Variants in ZFX observed in about 807,000 individuals in gnomAD.
The protein encoded by ZFX is zinc finger protein X-linked.
For synonymous variants in ZFX, 196 were observed against 226.8 expected (o/e 0.86, Z 1.22); for missense variants, 362 against 628.3 (o/e 0.58, Z 4.53).
At chrX:24,201,973 C>T (rs539358208) in intron 5 of ZFX, among the ~76,000 whole-genome samples, 1 of 111,503 alleles carries the variant, frequency 9.0e-6, no homozygotes, top group Non-Finnish European at 1.9e-5. Flanking sequence ...AGCTCTTAAC[C>T]CAGTCTGTTG....
rs73201436 is a variant in ZFX at position 24,159,792 on chromosome X, G to C, written c.-29+6962G>C. On this transcript the variant is annotated intron_variant, in intron 3 of 9. Transcript: ENST00000304543. The stretch of plus-strand genomic sequence containing the variant: ...CCACCGTGTCCGAGCGAGACGATCT[G>C]TTTCTTAAAAGTAAGAACCCATCTG... Among the ~76,000 whole-genome samples, 985 of 111,697 alleles carry C rather than the reference G, an allele frequency of 8.8e-3. 3 individuals are homozygous for C. The highest frequency in any genetic ancestry group is 0.014 in the Non-Finnish European group (727 of 53,109).
At chrX:24,160,379 A>T (rs1276510399) in intron 3 of ZFX, among the ~76,000 whole-genome samples, 1 of 105,654 alleles carries the variant, frequency 9.5e-6, no homozygotes, top group Non-Finnish European at 1.9e-5. Flanking sequence ...GCTCACTGTA[A>T]CCTTTGCCTC....
intron 5 of ZFX, among the ~76,000 whole-genome samples, chrX:24,202,819 T>C (rs745768146): frequency 1.8e-5 from 2 of 112,157 alleles, no homozygotes; most frequent in Non-Finnish European, 3.8e-5. Context: ...CAGTGAATCG[T>C]TGATTCATCA....
At chrX:24,196,223 C>T (rs1936912493) in intron 5 of ZFX, among the ~76,000 whole-genome samples, 1 of 111,535 alleles carries the variant, frequency 9.0e-6, no homozygotes, top group Non-Finnish European at 1.9e-5. Context: ...GGCGATTCTC[C>T]TGCCTCAGTC....
chrX:24,207,191 C>T (rs766879017), intron 5 of ZFX, 135 bp from the exon 6 acceptor site: 24 of 593,481 alleles, frequency 4.0e-5, no homozygotes, highest in Non-Finnish European at 5.6e-5. Context: ...GAGCTGAGAT[C>T]GCGCCACTGC....
intron 4 of ZFX, among the ~76,000 whole-genome samples, chrX:24,176,347 A>G (rs1407661604): frequency 9.1e-6 from 1 of 109,380 alleles, no homozygotes; most frequent in African/African-American, 3.3e-5. Flanking sequence ...CCTAAAGTGA[A>G]CATATTCTTT....
Position 24,179,694 on chromosome X carries a change from C to T in ZFX, c.570C>T (p.Val190=). The T allele has an allele frequency of 6.6e-6, 8 of 1,211,407 alleles. No homozygotes were observed. The highest frequency in any genetic ancestry group is 8.9e-6 in the Non-Finnish European group (8 of 895,549). The change falls in exon 5 of 10, where the codon GTC becomes GTT. Residue 190 remains valine (V), a synonymous_variant. Transcript: ENST00000304543. Reference sequence around the variant, plus strand: ...TAGCAGACTGTGCCTCTGAAGCAGTCATAGATGCCAATGGGATCCCTGTGG... The same window carrying T: ...TAGCAGACTGTGCCTCTGAAGCAGTTATAGATGCCAATGGGATCCCTGTGG... The part of the protein sequence containing the change: ...VLVADCASEA[V]IDANGIPVDQ...
rs147946648 is a variant in ZFX at position 24,164,218 on chromosome X, C to T, written c.-28-8497C>T. 5.0e-3 allele frequency among the ~76,000 whole-genome samples: 552 copies of T among 110,644 alleles called. 6 individuals carry two copies. The highest frequency in any genetic ancestry group is 0.017 in the African/African-American group (529 of 30,420). ...TGTTGTTGGTCTTTTGAGAAGCAGG[C>T]GTATTTCAAACCTGCCCCTGCATTG... On this transcript the variant is annotated intron_variant, in intron 3 of 9. Coordinates refer to ENST00000304543, the MANE Select transcript of ZFX (RefSeq NM_003410.4).
intron 3 of ZFX, among the ~76,000 whole-genome samples, chrX:24,165,546 G>T (rs1021417089): frequency 2.4e-4 from 27 of 112,797 alleles, no homozygotes; most frequent in Admixed American, 6.6e-4. Flanking sequence ...TTTGGGAAAG[G>T]TAGCAGGTGC....
In ZFX at chrX:24,179,597, A is replaced by G. The variant is rs757447884; in HGVS notation, c.473A>G (p.His158Arg). 5.0e-6 allele frequency: 6 copies of G among 1,210,521 alleles called. No homozygotes were observed. The African/African-American group carries it at 8.7e-5, about 18-fold the overall frequency. ...GHVGHVEHVV[H>R]DSVVEAEIVT... ...GTTGGACATGTTGAACATGTGGTTC[A>G]TGATAGTGTAGTGGAAGCAGAAATT... Residue 158 changes from histidine to arginine, a missense_variant, in exon 5 of 10, where the codon CAT becomes CGT. Transcript: ENST00000304543.
Position 24,208,237 on chromosome X carries a change from C to T in ZFX, c.960C>T (p.Asp320=), listed in dbSNP as rs751040155. 2.3e-5 allele frequency: 28 copies of T among 1,210,813 alleles called. No homozygotes were observed. The highest frequency in any genetic ancestry group is 3.5e-5 in the African/African-American group (2 of 57,560). Reference sequence around the variant, plus strand: ...ACTTAGATGTTGCTGAAATCGCTGACGAAGTTTATATGGAAGTGATCGTAG... The same window carrying T: ...ACTTAGATGTTGCTGAAATCGCTGATGAAGTTTATATGGAAGTGATCGTAG... The part of the protein sequence containing the change: ...DEDLNVAEIA[D]EVYMEVIVGE... The change falls in exon 8 of 10, where the codon GAC becomes GAT. Residue 320 remains aspartate, a synonymous_variant. Coordinates refer to ENST00000304543, the MANE Select transcript of ZFX (RefSeq NM_003410.4).
chrX:24,183,945 C>T (rs751218207), intron 5 of ZFX, among the ~76,000 whole-genome samples: 9 of 109,429 alleles, frequency 8.2e-5, no homozygotes, highest in South Asian at 4.0e-4. Context: ...TTAGTAGAGA[C>T]GGGGTTTTGC....
At chrX:24,160,637 T>G (rs766274855) in intron 3 of ZFX, among the ~76,000 whole-genome samples, 1 of 111,753 alleles carries the variant, frequency 8.9e-6, no homozygotes, top group Admixed American at 9.5e-5. Context: ...ATTATGTACA[T>G]GTATACAATG....
Position 24,210,893 on chromosome X carries a change from A to C in ZFX, c.1935A>C (p.Ser645=), listed in dbSNP as rs749290255. ...ATTGCGACCACAAGAGTTCGAACTC[A>C]AGTGATTTGAAACGACACATAATTT... ...CLHCDHKSSN[S]SDLKRHIISV... The change falls in exon 10 of 10, where the codon TCA becomes TCC. Residue 645 remains serine, a synonymous_variant. Transcript: ENST00000304543. The C allele has an allele frequency of 5.0e-6, 6 of 1,211,614 alleles. No homozygotes were observed. Among genetic ancestry groups the C allele is most frequent in the South Asian group, 1.8e-5 (1 of 56,906 alleles).
chrX:24,177,024 T>C (rs761729429), intron 4 of ZFX, among the ~76,000 whole-genome samples: 31 of 111,172 alleles, frequency 2.8e-4, no homozygotes, highest in Admixed American at 9.6e-4. Context: ...CCTCTGCCTC[T>C]TGGGTTCAAG....
chrX:24,179,669 TAGC>T lies in ZFX; in HGVS notation c.548_550del (p.Ala183del). 1 of 1,211,737 alleles carries T rather than the reference TAGC, an allele frequency of 8.3e-7. No individual in the cohort carries two copies. The highest frequency in any genetic ancestry group is 1.8e-5 in the South Asian group (1 of 57,018). Reference sequence around the variant, plus strand: ...GACGTAGTTTCAGAAGAAGTATTGGTAGCAGACTGTGCCTCTGAAGCAGTCATA... The same window carrying T: ...GACGTAGTTTCAGAAGAAGTATTGGTAGACTGTGCCTCTGAAGCAGTCATA... On this transcript the variant is annotated inframe_deletion, in exon 5 of 10. Coordinates refer to ENST00000304543, the MANE Select transcript of ZFX (RefSeq NM_003410.4).
intron 5 of ZFX, among the ~76,000 whole-genome samples, chrX:24,204,750 G>C (rs1229173391): frequency 8.9e-6 from 1 of 112,044 alleles, no homozygotes; most frequent in Non-Finnish European, 1.9e-5. Flanking sequence ...TGAATTGCGT[G>C]ACTCCAGATA....
intron 7 of ZFX, 33 bp downstream of exon 7, chrX:24,207,888 TTA>T: frequency 8.3e-7 from 1 of 1,202,394 alleles, no homozygotes; most frequent in Non-Finnish European, 1.1e-6. Context: ...GGAGAAAATT[TTA>T]TGTTTCTGGA....
intron 5 of ZFX, among the ~76,000 whole-genome samples, chrX:24,194,746 A>ATTT: frequency 9.8e-6 from 1 of 102,270 alleles, no homozygotes; most frequent in Non-Finnish European, 2.0e-5. Flanking sequence ...ACAGTAAAAA[A>ATTT]TTTTTTTTTT....
Sources: gnomAD v4.1 joint callset for allele counts (sites outside exome capture counted in the v4.1 genomes callset) on GRCh38, gnomAD v4.1.1 for gene constraint, MANE v1.5 for transcripts, NCBI Gene and HGNC (gene_info 2026-07-23, HGNC 2026-07-21) for gene names.